The following INPP5F variants were observed in gnomAD, a reference collection of about 807,000 sequenced individuals.
The protein encoded by INPP5F is inositol polyphosphate-5-phosphatase F, also known as phosphatidylinositide 4-phosphatase SAC2.
A neutral mutation model predicts 137.2 loss-of-function variants in INPP5F; 97 were observed. The ratio of observed to expected loss-of-function variants is 0.71; its 90% CI spans 0.60 to 0.84. The LOEUF is 0.84. INPP5F is among the 40% of genes least tolerant of loss of function. The pLI is 0.00. For synonymous variants in INPP5F, 504 were observed against 476.9 expected (o/e 1.06, Z -0.74); for missense variants, 1,271 against 1,371.9 (o/e 0.93, Z 1.16).
chr10:119,747,706 A>G (rs1164903430), intron 1 of INPP5F, among the ~76,000 whole-genome samples: 5 of 152,190 alleles, frequency 3.3e-5, no homozygotes, highest in African/African-American at 1.2e-4. Flanking sequence ...AGAGAGGCAA[A>G]TATTTGCATA....
intron 3 of INPP5F, among the ~76,000 whole-genome samples, chr10:119,791,010 G>A (rs575741030): frequency 1.4e-4 from 22 of 152,306 alleles, no homozygotes; most frequent in African/African-American, 4.3e-4. Context: ...GCATGTGAGC[G>A]TAGGAGGAGA....
rs773458900 is a variant in INPP5F at position 119,781,717 on chromosome 10, C to T, written c.261C>T (p.Thr87=). 11 of 1,612,266 alleles carry T rather than the reference C, an allele frequency of 6.8e-6. No individual in the cohort carries two copies. The highest frequency in any genetic ancestry group is 8.5e-6 in the Non-Finnish European group (10 of 1,178,718). Residue 87 remains threonine, a synonymous_variant, in exon 3 of 20, where the codon ACC becomes ACT. Coordinates refer to ENST00000650623, the MANE Select transcript of INPP5F (RefSeq NM_014937.4). Reference sequence around the variant, plus strand: ...GAGACCATGAGGTCTGTAAAGTTACCAAAATTGCTGTGCTCTCACTTTCTG... The same window carrying T: ...GAGACCATGAGGTCTGTAAAGTTACTAAAATTGCTGTGCTCTCACTTTCTG... ...LPGDHEVCKV[T]KIAVLSLSEM... is the part of the protein sequence containing the mutation.
At chr10:119,755,669 A>C (rs1402041898) in intron 2 of INPP5F, among the ~76,000 whole-genome samples, 1 of 152,160 alleles carries the variant, frequency 6.6e-6, no homozygotes, top group Non-Finnish European at 1.5e-5. Context: ...TTTCAGTGTG[A>C]TAGGCCAGTC....
chr10:119,753,674 T>C (rs1397363423), intron 2 of INPP5F, among the ~76,000 whole-genome samples: 1 of 152,204 alleles, frequency 6.6e-6, no homozygotes, highest in Non-Finnish European at 1.5e-5. Context: ...TTCAAGGGCC[T>C]GTATGTCTTA....
intron 2 of INPP5F, among the ~76,000 whole-genome samples, chr10:119,770,408 T>C (rs1312340101): frequency 6.6e-6 from 1 of 152,236 alleles, no homozygotes. Context: ...AAAATTGTAC[T>C]GTGAAATTAG....
In INPP5F at chr10:119,787,186, G is replaced by A. The variant is rs566596410; in HGVS notation, c.316-4331G>A. ...TTTAACTTAAAAGATACACTTTCAGGTTTTAGAGTTTTTTGGATTTTGGAA... is the reference window on the plus strand; with the variant it reads ...TTTAACTTAAAAGATACACTTTCAGATTTTAGAGTTTTTTGGATTTTGGAA... On this transcript the variant is annotated intron_variant, in intron 3 of 19. Transcript: ENST00000650623. This position sits in a 1 kb window ranked among gnomAD's most constrained non-coding sequence, Gnocchi z 4.1. Among the ~76,000 whole-genome samples, 1 of 152,228 alleles carries A rather than the reference G, an allele frequency of 6.6e-6. No homozygotes were observed. Among genetic ancestry groups the A allele is most frequent in the South Asian group, 2.1e-4 (1 of 4,830 alleles).
intron 1 of INPP5F, among the ~76,000 whole-genome samples, chr10:119,729,945 C>T (rs1242744407): frequency 2.6e-5 from 4 of 151,754 alleles, no homozygotes; most frequent in Non-Finnish European, 5.9e-5. Flanking sequence ...TAAACTTTTT[C>T]AGGTTTTTTT....
intron 16 of INPP5F, 123 bp downstream of exon 16, chr10:119,821,040 A>C (rs999430015): frequency 6.0e-6 from 4 of 663,822 alleles, no homozygotes; most frequent in Non-Finnish European, 1.1e-5. Flanking sequence ...ATGAAACTTC[A>C]TTGAACCCCT....
At position 119,822,128 on chromosome 10, in the gene INPP5F, T is replaced by C. The variant is rs531203728; in HGVS notation, c.1959-303T>C. Among the ~76,000 whole-genome samples, 7 of 152,244 alleles carry C rather than the reference T, an allele frequency of 4.6e-5. No individual in the cohort carries two copies. In the East Asian group the frequency reaches 1.4e-3, roughly 29 times the overall value. ...TGGTCTCGAACTCCTGACCTCATGA[T>C]CCACCCGCCTCGGCCCCCTAAAGTG... On this transcript the variant is annotated intron_variant, in intron 16 of 19. Transcript: ENST00000650623.
At chr10:119,793,688 C>G (rs1170540425) in intron 6 of INPP5F, 1 of 152,152 alleles carries the variant, frequency 6.6e-6, no homozygotes, top group Admixed American at 6.5e-5. Flanking sequence ...TCTCTGTCAC[C>G]CAGGCTGGAG....
At chr10:119,728,606 G>A (rs1407331525) in intron 1 of INPP5F, among the ~76,000 whole-genome samples, 1 of 152,092 alleles carries the variant, frequency 6.6e-6, no homozygotes, top group Non-Finnish European at 1.5e-5. Flanking sequence ...AAAGCTTGTG[G>A]GCATCGTGGT....
intron 13 of INPP5F, among the ~76,000 whole-genome samples, chr10:119,809,384 T>G (rs1362209142): frequency 6.6e-6 from 1 of 152,198 alleles, no homozygotes; most frequent in Non-Finnish European, 1.5e-5. Flanking sequence ...GAGACTGACC[T>G]AATTGGCAGC....
At chr10:119,726,553 G>GC (rs1481700166) in intron 1 of INPP5F, among the ~76,000 whole-genome samples, 194 bp downstream of exon 1, 1 of 152,212 alleles carries the variant, frequency 6.6e-6, no homozygotes, top group Non-Finnish European at 1.5e-5. Context: ...ACAGCGCCGA[G>GC]CCCCTACCCC....
chr10:119,785,532 G>T (rs527725505), intron 3 of INPP5F, among the ~76,000 whole-genome samples: 47 of 136,982 alleles, frequency 3.4e-4, no homozygotes, highest in Non-Finnish European at 5.7e-4. Context: ...CTTGTGATCC[G>T]CTCGAGAGAG....
At chr10:119,795,923 T>G (rs34774894) in intron 6 of INPP5F, among the ~76,000 whole-genome samples, 1 of 152,024 alleles carries the variant, frequency 6.6e-6, no homozygotes, top group Non-Finnish European at 1.5e-5. Flanking sequence ...CAAAAAAATA[T>G]GAAAACCAGT....
chr10:119,794,071 G>A (rs554605247), intron 6 of INPP5F, among the ~76,000 whole-genome samples: 1 of 152,056 alleles, frequency 6.6e-6, no homozygotes, highest in East Asian at 1.9e-4. Context: ...CGCAGAGGGG[G>A]ATTTGGCAGG....
intron 3 of INPP5F, among the ~76,000 whole-genome samples, chr10:119,783,105 T>C (rs150576189): frequency 1.2e-3 from 182 of 152,306 alleles, no homozygotes; most frequent in African/African-American, 4.3e-3. Context: ...CTATTCACTA[T>C]TGCTGATCGA....
rs71019718 is a variant in INPP5F at position 119,789,225 on chromosome 10, C to CAA, written c.316-2278_316-2277dup. Among the ~76,000 whole-genome samples the CAA allele has an allele frequency of 2.4e-3, 263 of 107,760 alleles. 11 individuals carry two copies. The South Asian group carries it at 0.063, about 26-fold the overall frequency. 70.7% of individuals were successfully genotyped at this position (107,760 alleles called of 152,430 possible). A position where few individuals can be genotyped will look rare whatever the true frequency, so the allele number is the denominator to read the frequency against. On this transcript the variant is annotated intron_variant, in intron 3 of 19. Transcript: ENST00000650623. ...GGGCAACAAGAGCGAAACTCTGTCT[C>CAA]AAAAAAAAAAAAAAAGAATGGCTAT...
intron 2 of INPP5F, among the ~76,000 whole-genome samples, chr10:119,780,231 TA>T (rs1413391771): frequency 6.6e-6 from 1 of 152,170 alleles, no homozygotes; most frequent in African/African-American, 2.4e-5. Flanking sequence ...TTTTCTTCCT[TA>T]CATGAAGGGT....
Sources: gnomAD v4.1 joint callset for allele counts (sites outside exome capture counted in the v4.1 genomes callset) on GRCh38, gnomAD v4.1.1 for gene constraint, Gnocchi (gnomAD v3.1) non-coding constraint, MANE v1.5 for transcripts, NCBI Gene and HGNC (gene_info 2026-07-23, HGNC 2026-07-21) for gene names.